The following KCNH1 variants were observed in gnomAD, a reference collection of about 807,000 sequenced individuals.
KCNH1 encodes the protein potassium voltage-gated channel subfamily H member 1.
A neutral mutation model predicts 69.2 loss-of-function variants in KCNH1; 27 were observed. The observed-to-expected ratio is 0.39, with a 90% CI of 0.29 to 0.54. KCNH1 has a LOEUF of 0.54. KCNH1 is among the 20% of genes least tolerant of loss of function. KCNH1 has a pLI of 0.68. For missense variants in KCNH1, 798 were observed against 1,261.6 expected (o/e 0.63, Z 5.57); for synonymous variants, 456 against 487.7 (o/e 0.93, Z 0.86).
At chr1:210,939,747 T>G (rs566743088) in intron 6 of KCNH1, among the ~76,000 whole-genome samples, 1 of 152,276 alleles carries the variant, frequency 6.6e-6, no homozygotes, top group East Asian at 1.9e-4. Flanking sequence ...ACAGCATAGG[T>G]AGAAAGTAGC....
intron 5 of KCNH1, among the ~76,000 whole-genome samples, chr1:211,076,218 T>G (rs1163229295): frequency 6.6e-6 from 1 of 152,232 alleles, no homozygotes; most frequent in Non-Finnish European, 1.5e-5. Context: ...CTAACAGCTC[T>G]GAAGAGAGCA....
At position 210,872,149 on chromosome 1, in the gene KCNH1, C is replaced by CAA. The variant is rs60497732; in HGVS notation, c.1462+47489_1462+47490dup. Among the ~76,000 whole-genome samples the CAA allele has an allele frequency of 6.0e-3, 468 of 77,690 alleles. 5 individuals carry two copies. Among genetic ancestry groups the CAA allele is most frequent in the African/African-American group, 0.02 (417 of 20,642 alleles). 51.0% of individuals were successfully genotyped at this position (77,690 alleles called of 152,430 possible). A position where few individuals can be genotyped will look rare whatever the true frequency, so the allele number is the denominator to read the frequency against. ...GAAAAAAGCTTAAAGGGAAGAGCAC[C>CAA]AAAAAAAAAAAAAAAAAAAGATCAA... On this transcript the variant is annotated intron_variant, in intron 7 of 10. Coordinates refer to ENST00000271751, the MANE Select transcript of KCNH1 (RefSeq NM_172362.3).
At chr1:211,008,172 T>C (rs1333206337) in intron 6 of KCNH1, among the ~76,000 whole-genome samples, 1 of 152,168 alleles carries the variant, frequency 6.6e-6, no homozygotes, top group Non-Finnish European at 1.5e-5. Flanking sequence ...GATGGGTGAA[T>C]GGATAAACAA....
At chr1:210,998,349 A>G (rs570663401) in intron 6 of KCNH1, among the ~76,000 whole-genome samples, 24 of 152,338 alleles carry the variant, frequency 1.6e-4, no homozygotes, top group African/African-American at 5.8e-4. Flanking sequence ...AAAAAAAGGC[A>G]GGGGTTGCAA....
chr1:210,921,264 C>A (rs77343116), intron 6 of KCNH1, among the ~76,000 whole-genome samples: 12,004 of 152,228 alleles, frequency 0.079, 671 homozygotes, highest in South Asian at 0.18. Flanking sequence ...TTTCCGTTAG[C>A]TTTTTTCTAC....
At chr1:210,740,130 G>A (rs1443503778) in intron 10 of KCNH1, among the ~76,000 whole-genome samples, 1 of 152,146 alleles carries the variant, frequency 6.6e-6, no homozygotes, top group Non-Finnish European at 1.5e-5. Flanking sequence ...AAATGGATAT[G>A]CTAGATAGAA....
At chr1:210,810,960 T>C (rs1382949865) in intron 7 of KCNH1, among the ~76,000 whole-genome samples, 1 of 152,044 alleles carries the variant, frequency 6.6e-6, no homozygotes, top group Admixed American at 6.6e-5. Context: ...CTGGCTAGAG[T>C]TTGTGTTGAA....
At chr1:211,001,892 C>T (rs1689186777) in intron 6 of KCNH1, among the ~76,000 whole-genome samples, 1 of 151,730 alleles carries the variant, frequency 6.6e-6, no homozygotes, top group African/African-American at 2.4e-5. Flanking sequence ...AACCATCATT[C>T]TCAGCAAACT....
chr1:210,812,757 C>A (rs759813368), intron 7 of KCNH1, among the ~76,000 whole-genome samples: 1 of 152,142 alleles, frequency 6.6e-6, no homozygotes, highest in Non-Finnish European at 1.5e-5. Context: ...TGAGATAGAG[C>A]AAATAGAGTC....
intron 7 of KCNH1, among the ~76,000 whole-genome samples, chr1:210,841,647 C>T (rs1255106524): frequency 1.3e-5 from 2 of 152,106 alleles, no homozygotes; most frequent in African/African-American, 4.8e-5. Flanking sequence ...AATCTTGAAT[C>T]TATATGGGAA....
chr1:211,106,085 A>G (rs1691342605), intron 2 of KCNH1, among the ~76,000 whole-genome samples: 1 of 152,234 alleles, frequency 6.6e-6, no homozygotes, highest in Non-Finnish European at 1.5e-5. Context: ...TGAAAACAGA[A>G]GACTATGCTT....
In KCNH1 at chr1:210,914,094, C is replaced by T. The variant is rs140157458; in HGVS notation, c.1462+5546G>A. On this transcript the variant is annotated intron_variant, in intron 7 of 10. Coordinates refer to ENST00000271751, the MANE Select transcript of KCNH1 (RefSeq NM_172362.3). ...GACAACTGCAGAGTAGCCAGGCCAA[C>T]CCCAAACTTTTAGAAAATTTTGTTG... 5.5e-3 allele frequency among the ~76,000 whole-genome samples: 833 copies of T among 152,278 alleles called. 7 individuals carry two copies. The highest frequency in any genetic ancestry group is 0.034 in the Middle Eastern group (10 of 294).
At chr1:210,815,726 C>A (rs1684800069) in intron 7 of KCNH1, among the ~76,000 whole-genome samples, 1 of 152,092 alleles carries the variant, frequency 6.6e-6, no homozygotes, top group Non-Finnish European at 1.5e-5. Context: ...CTTGAGATAG[C>A]AGCTGATTTC....
At chr1:210,997,564 T>A (rs1689076005) in intron 6 of KCNH1, among the ~76,000 whole-genome samples, 1 of 152,106 alleles carries the variant, frequency 6.6e-6, no homozygotes, top group Admixed American at 6.5e-5. Flanking sequence ...ACAGGGAGAA[T>A]GGAACCAAGT....
chr1:210,760,553 G>A (rs1281472506), intron 10 of KCNH1, among the ~76,000 whole-genome samples: 2 of 152,302 alleles, frequency 1.3e-5, no homozygotes, highest in East Asian at 3.9e-4. Flanking sequence ...CCTAAACATG[G>A]AAACAAACGA....
At chr1:210,822,629 C>T (rs780047461) in intron 7 of KCNH1, among the ~76,000 whole-genome samples, 3 of 152,116 alleles carry the variant, frequency 2.0e-5, no homozygotes, top group Non-Finnish European at 4.4e-5. Flanking sequence ...TTATTTTGCA[C>T]TGGGTTTCAC....
chr1:210,925,312 G>T (rs186725571), intron 6 of KCNH1, among the ~76,000 whole-genome samples: 215 of 152,370 alleles, frequency 1.4e-3, no homozygotes, highest in Non-Finnish European at 2.5e-3. Context: ...GGAGACTCAT[G>T]CTGTGAACTT....
chr1:211,028,626 G>A (rs1689726118), intron 5 of KCNH1, among the ~76,000 whole-genome samples: 1 of 151,422 alleles, frequency 6.6e-6, no homozygotes, highest in Non-Finnish European at 1.5e-5. Flanking sequence ...ATAAACCCTG[G>A]AGACATAAAA....
intron 4 of KCNH1, among the ~76,000 whole-genome samples, chr1:211,085,855 C>T (rs1013934011): frequency 4.6e-5 from 7 of 152,154 alleles, no homozygotes; most frequent in Non-Finnish European, 8.8e-5. Context: ...CAAATGGGAG[C>T]GGACAACCCA....
Sources: gnomAD v4.1 joint callset for allele counts (sites outside exome capture counted in the v4.1 genomes callset) on GRCh38, gnomAD v4.1.1 for gene constraint, MANE v1.5 for transcripts, NCBI Gene and HGNC (gene_info 2026-07-23, HGNC 2026-07-21) for gene names.